The following PRICKLE2 variants were observed in gnomAD, a reference collection of about 807,000 sequenced individuals.
PRICKLE2 encodes the protein prickle planar cell polarity protein 2.
Under a neutral mutation model 81.4 loss-of-function variants are expected in PRICKLE2, and 21 were observed. That is an observed-to-expected ratio of 0.26 (90% CI 0.18 to 0.37). The LOEUF is 0.37. PRICKLE2 is among the 10% of genes least tolerant of loss of function. The pLI is 1.00. For missense variants in PRICKLE2, 940 were observed against 1,109.0 expected (o/e 0.85, Z 2.16); for synonymous variants, 456 against 421.5 (o/e 1.08, Z -1.00).
At chr3:64,257,400 C>A (rs1255581206) in intron 2 of PRICKLE2, among the ~76,000 whole-genome samples, 1 of 152,056 alleles carries the variant, frequency 6.6e-6, no homozygotes, top group South Asian at 2.1e-4. Flanking sequence ...GAGTGTAGGA[C>A]CAGTTCAGTG....
chr3:64,167,414 CT>C (rs376758765), intron 2 of PRICKLE2, among the ~76,000 whole-genome samples: 138 of 152,336 alleles, frequency 9.1e-4, no homozygotes, highest in African/African-American at 3.2e-3. Context: ...TACTAGGTAA[CT>C]TTCCCCTAAA....
chr3:64,230,126 T>C (rs2079081428), upstream of PRICKLE2, among the ~76,000 whole-genome samples: 1 of 152,176 alleles, frequency 6.6e-6, no homozygotes, highest in African/African-American at 2.4e-5. Context: ...AGATGAATGA[T>C]ATCACTTCTA....
intron 7 of PRICKLE2, among the ~76,000 whole-genome samples, chr3:64,127,740 A>C (rs907561598): frequency 6.6e-6 from 1 of 151,704 alleles, no homozygotes; most frequent in Non-Finnish European, 1.5e-5. Context: ...GGTGCCCTCC[A>C]GCGTCATCTC....
At chr3:64,150,346 C>T (rs987591182) in intron 6 of PRICKLE2, among the ~76,000 whole-genome samples, 2 of 152,062 alleles carry the variant, frequency 1.3e-5, no homozygotes, top group Non-Finnish European at 2.9e-5. Flanking sequence ...CCCATCAGTA[C>T]AATGGGGATA....
intron 4 of PRICKLE2, among the ~76,000 whole-genome samples, chr3:64,159,155 C>T (rs555662443): frequency 1.1e-4 from 17 of 152,298 alleles, no homozygotes; most frequent in South Asian, 6.2e-4. Context: ...GAATCTTGAA[C>T]GCAGTGAGGT....
intron 7 of PRICKLE2, among the ~76,000 whole-genome samples, chr3:64,133,590 G>A (rs543940831): frequency 6.6e-6 from 1 of 152,102 alleles, no homozygotes; most frequent in African/African-American, 2.4e-5. Flanking sequence ...ATACTGGGGT[G>A]GGGGGCCAGG....
intron 2 of PRICKLE2, among the ~76,000 whole-genome samples, chr3:64,165,963 G>GGTGTGTGTGTGTGT (rs67554015): frequency 6.0e-4 from 37 of 61,870 alleles, no homozygotes; most frequent in African/African-American, 1.0e-3. Context: ...CTGTTATAAA[G>GGTGTGTGTGTGTGT]GTGTGTGTGT....
chr3:64,142,289 C>CAGG (rs76647024), intron 7 of PRICKLE2, among the ~76,000 whole-genome samples: 45,429 of 149,558 alleles, frequency 0.3, 7,317 homozygotes, highest in East Asian at 0.46. Context: ...AAGGAGCCTG[C>CAGG]AGGAGTATTT....
intron 7 of PRICKLE2, among the ~76,000 whole-genome samples, chr3:64,143,657 C>A (rs955468544): frequency 3.3e-5 from 5 of 152,212 alleles, no homozygotes; most frequent in African/African-American, 9.7e-5. Flanking sequence ...ATCTGCTTAA[C>A]ATGCAGATTC....
intron 2 of PRICKLE2, among the ~76,000 whole-genome samples, chr3:64,188,162 C>T (rs2078269397): frequency 6.6e-6 from 1 of 152,174 alleles, no homozygotes; most frequent in African/African-American, 2.4e-5. Context: ...ACAGCAGCTA[C>T]CATTTGCTGA....
At chr3:64,184,136 C>T (rs1179024733) in intron 2 of PRICKLE2, among the ~76,000 whole-genome samples, 1 of 152,224 alleles carries the variant, frequency 6.6e-6, no homozygotes, top group Non-Finnish European at 1.5e-5. Flanking sequence ...CTTGTTTCCC[C>T]AGATAGGCCT....
rs1230426060 is a variant in PRICKLE2 at position 64,095,413 on chromosome 3, A to G, written c.*3638T>C. The G allele has an allele frequency of 6.6e-6, 1 of 152,260 alleles. No individual in the cohort carries two copies. Among genetic ancestry groups the G allele is most frequent in the Non-Finnish European group, 1.5e-5 (1 of 68,048 alleles). The allele number at this position is 152,260 out of a possible 1,614,324, so 9.4% of individuals were successfully genotyped here. A position where few individuals can be genotyped will look rare whatever the true frequency, so the allele number is the denominator to read the frequency against. Reference sequence around the variant, plus strand: ...CAGTTCACAAATAAGATTGGTTATCAGACCAATAAGATCAGTTCTGATCAA... The same window carrying G: ...CAGTTCACAAATAAGATTGGTTATCGGACCAATAAGATCAGTTCTGATCAA... On this transcript the variant is annotated 3_prime_UTR_variant, in exon 8 of 8. Coordinates refer to ENST00000638394, the MANE Select transcript of PRICKLE2 (RefSeq NM_198859.4).
At chr3:64,232,162 G>A (rs2079114109) in intron 2 of PRICKLE2, among the ~76,000 whole-genome samples, 1 of 152,072 alleles carries the variant, frequency 6.6e-6, no homozygotes, top group Non-Finnish European at 1.5e-5. Flanking sequence ...CTACATCCTT[G>A]GTTAGTTATG....
In PRICKLE2 at chr3:64,225,426, G is replaced by C. The variant is rs697287; in HGVS notation, c.-557C>G. The C allele has an allele frequency of 1.0e-6, 1 of 984,880 alleles. No individual in the cohort carries two copies. The highest frequency in any genetic ancestry group is 1.2e-6 in the Non-Finnish European group (1 of 829,880). The allele number at this position is 984,880 out of a possible 1,614,324, so 61.0% of individuals were successfully genotyped here. A position where few individuals can be genotyped will look rare whatever the true frequency, so the allele number is the denominator to read the frequency against. On this transcript the variant is annotated 5_prime_UTR_variant, in exon 1 of 8. Transcript: ENST00000638394. ...TGGTCAAAAAATAATAATAACTCTC[G>C]GTGGCGCTGCTGGTGGTGCCTGAGA... is the stretch of plus-strand genomic sequence containing the variant.
intron 2 of PRICKLE2, among the ~76,000 whole-genome samples, chr3:64,192,478 G>A (rs1157744201): frequency 1.3e-5 from 2 of 152,148 alleles, no homozygotes; most frequent in African/African-American, 4.8e-5. Flanking sequence ...CTTGTATTAG[G>A]GGCCAGCCAA....
intron 7 of PRICKLE2, among the ~76,000 whole-genome samples, chr3:64,141,290 C>T (rs1453522489): frequency 2.0e-5 from 3 of 152,204 alleles, no homozygotes; most frequent in Non-Finnish European, 4.4e-5. Context: ...TTTCTACTTC[C>T]AAGCAATGTG....
At chr3:64,190,169 T>C (rs1301248634) in intron 2 of PRICKLE2, 2 of 152,270 alleles carry the variant, frequency 1.3e-5, no homozygotes, top group Non-Finnish European at 2.9e-5. Flanking sequence ...ACAGCTCAAA[T>C]ACTGCCTCCC....
At chr3:64,163,455 G>C in intron 2 of PRICKLE2, 1 of 388,738 alleles carries the variant, frequency 2.6e-6, no homozygotes, top group South Asian at 2.3e-5. Context: ...TCCCCTGAGA[G>C]CTGGCTTTAC....
At chr3:64,138,375 A>G (rs754899609) in intron 7 of PRICKLE2, among the ~76,000 whole-genome samples, 125 of 152,144 alleles carry the variant, frequency 8.2e-4, no homozygotes, top group Non-Finnish European at 1.3e-3. Context: ...AAATGAGAAG[A>G]CTCAATTCTG....
Sources: allele counts gnomAD v4.1 joint callset (sites outside exome capture counted in the v4.1 genomes callset), GRCh38; gene constraint gnomAD v4.1.1; transcripts MANE v1.5; gene names NCBI Gene and HGNC (gene_info 2026-07-23, HGNC 2026-07-21).